The following MYOM2 variants were observed in gnomAD, a reference collection of about 807,000 sequenced individuals.
MYOM2 encodes the protein myomesin 2.
A neutral mutation model predicts 187.6 loss-of-function variants in MYOM2; 254 were observed. That is an observed-to-expected ratio of 1.35 (90% confidence interval 1.22 to 1.50). The LOEUF is 1.50. Among genes scored for constraint, MYOM2 ranks in the 40% most tolerant of loss-of-function variants. The probability of loss-of-function intolerance (pLI) is 0.00; values close to 1 mark genes in which losing one functional copy is unlikely to be tolerated. For synonymous variants in MYOM2, 981 were observed against 753.8 expected, an observed-to-expected ratio of 1.30 and a Z score of -4.94; for missense variants, 2,796 against 1,924.0, an observed-to-expected ratio of 1.45 and a Z score of -8.48.
rs767900587 is a variant in MYOM2 at position 2,123,250 on chromosome 8, A to G, written c.3454-2A>G. 5 of 1,601,722 alleles carry G rather than the reference A, an allele frequency of 3.1e-6. No individual in the cohort carries two copies. Among genetic ancestry groups the G allele is most frequent in the Non-Finnish European group, 4.3e-6 (5 of 1,171,540 alleles). ...ACTAAACTTAAGCTTTCTACCTCACAGGTTGCAAACACCAAGAAAGAAACC... is the reference window on the plus strand; with the variant it reads ...ACTAAACTTAAGCTTTCTACCTCACGGGTTGCAAACACCAAGAAAGAAACC... On this transcript the variant is annotated splice_acceptor_variant, in intron 28 of 36. Transcript: ENST00000262113. LOFTEE classifies it high-confidence loss of function.
At chr8:2,047,395 C>T (rs1027629669) in intron 1 of MYOM2, among the ~76,000 whole-genome samples, 15 of 151,866 alleles carry the variant, frequency 9.9e-5, no homozygotes, top group Non-Finnish European at 1.5e-4. Flanking sequence ...TGAGGCTGGA[C>T]GTGCAGTCCT....
intron 17 of MYOM2, among the ~76,000 whole-genome samples, chr8:2,095,278 A>T (rs1585895569): frequency 6.6e-6 from 1 of 151,288 alleles, no homozygotes; most frequent in South Asian, 2.1e-4. Context: ...ATTCCTACTA[A>T]AGGAAAACCA....
rs201434032 is a variant in MYOM2, at chr8:2,069,375, C to A, written c.742+9C>A. 1 of 1,613,898 alleles carries A rather than the reference C, an allele frequency of 6.2e-7. No individual in the cohort carries two copies. The highest frequency in any genetic ancestry group is 1.1e-5 in the South Asian group (1 of 91,078). ...GGCGGTGGTGGTGAGAAGTGAGTGC[C>A]GGGTGGGCTTTCACGGGGCACCTCC... On this transcript the variant is annotated intron_variant, in intron 7 of 36. Transcript: ENST00000262113.
chr8:2,138,425 A>G (rs3779820), intron 32 of MYOM2, among the ~76,000 whole-genome samples: 15,543 of 152,196 alleles, frequency 0.1, 1,260 homozygotes, highest in African/African-American at 0.2. Flanking sequence ...TCAGCAACGT[A>G]TAGAATTCCA....
chr8:2,078,803 C>T lies in MYOM2; in HGVS notation c.1332C>T (p.Val444=), dbSNP rs759439118. ...CGGTGAAAATCTGCAAATACCCGGT[C>T]ACAGGGCTTTTTGAAGGAAGGTCTT... ...DAPVKICKYP[V]TGLFEGRSYI... Residue 444 remains valine (V), a synonymous_variant, in exon 12 of 37, where the codon GTC becomes GTT. Coordinates refer to ENST00000262113, the MANE Select transcript of MYOM2 (RefSeq NM_003970.4). The T allele has an allele frequency of 6.2e-5, 100 of 1,614,018 alleles. No individual in the cohort carries two copies. Among genetic ancestry groups the T allele is most frequent in the Non-Finnish European group, 8.4e-5 (99 of 1,180,036 alleles).
intron 10 of MYOM2, 60 bp from the exon 11 acceptor site, chr8:2,076,081 C>G: frequency 6.5e-7 from 1 of 1,536,810 alleles, no homozygotes; most frequent in Non-Finnish European, 8.8e-7. Context: ...TGTAAACAGG[C>G]TTTGCAGTGA....
At chr8:2,079,372 C>G (rs956333367) in intron 12 of MYOM2, among the ~76,000 whole-genome samples, 188 bp from the exon 13 acceptor site, 4 of 151,988 alleles carry the variant, frequency 2.6e-5, no homozygotes, top group African/African-American at 9.7e-5. Context: ...CCTTTGCATC[C>G]ACCACCAAGA....
At chr8:2,092,627 G>A (rs2235124) in intron 16 of MYOM2, 107 bp downstream of exon 16, 182,512 of 1,206,048 alleles carry the variant, frequency 0.15, 14,222 homozygotes, top group East Asian at 0.2. Context: ...AGGCTTCTGC[G>A]TAAATGAGTC....
chr8:2,138,196 C>T (rs562121458), intron 32 of MYOM2, among the ~76,000 whole-genome samples: 1 of 152,182 alleles, frequency 6.6e-6, no homozygotes, highest in Non-Finnish European at 1.5e-5. Flanking sequence ...TCTGGCAAGT[C>T]CGTGTTGCCT....
At chr8:2,115,517 G>A (rs986667880) in intron 25 of MYOM2, among the ~76,000 whole-genome samples, 1 of 152,216 alleles carries the variant, frequency 6.6e-6, no homozygotes, top group Non-Finnish European at 1.5e-5. Context: ...AGCAGGCTGG[G>A]GCTTGTGGGT....
intron 25 of MYOM2, among the ~76,000 whole-genome samples, chr8:2,115,178 A>AC (rs1459980957): frequency 3.9e-5 from 6 of 151,994 alleles, no homozygotes; most frequent in African/African-American, 1.4e-4. Flanking sequence ...AAAAAAACAA[A>AC]AAACAAACAA....
intron 25 of MYOM2, among the ~76,000 whole-genome samples, chr8:2,112,970 A>G (rs1263617331): frequency 6.6e-6 from 1 of 152,182 alleles, no homozygotes; most frequent in Non-Finnish European, 1.5e-5. Context: ...TGTTTTGCTC[A>G]TGTGGCCCCA....
chr8:2,137,535 G>A (rs554730811), intron 32 of MYOM2, among the ~76,000 whole-genome samples: 1 of 151,352 alleles, frequency 6.6e-6, no homozygotes, highest in Non-Finnish European at 1.5e-5. Flanking sequence ...TGTGCAGGAA[G>A]CACACATAGC....
chr8:2,087,303 G>A (rs1342684410), intron 14 of MYOM2, among the ~76,000 whole-genome samples: 2 of 152,150 alleles, frequency 1.3e-5, no homozygotes, highest in African/African-American at 4.8e-5. Context: ...ATCGCATCTA[G>A]CACCACTCAA....
intron 3 of MYOM2, among the ~76,000 whole-genome samples, chr8:2,054,592 T>C (rs1818595309): frequency 6.6e-6 from 1 of 152,204 alleles, no homozygotes; most frequent in Non-Finnish European, 1.5e-5. Flanking sequence ...TTAGTTATTC[T>C]GAATCATGGA....
chr8:2,140,089 T>G (rs1192971684), intron 32 of MYOM2, among the ~76,000 whole-genome samples: 1 of 151,976 alleles, frequency 6.6e-6, no homozygotes. Context: ...CCCCAGCCCC[T>G]GGTACCCACA....
At chr8:2,131,906 A>G (rs138749401) in intron 32 of MYOM2, among the ~76,000 whole-genome samples, 21,138 of 151,952 alleles carry the variant, frequency 0.14, 2,581 homozygotes, top group African/African-American at 0.31. Flanking sequence ...GCCTCCCAAA[A>G]TGCTGGGATT....
In MYOM2 at chr8:2,123,138, T is replaced by C; in HGVS notation, c.3454-114T>C. ...AGCCTTCGTCTGAGACTGTCTATAG[T>C]AAAAACTAAGGTTTTTTGAGGGGGG... On this transcript the variant is annotated intron_variant, in intron 28 of 36. Coordinates refer to ENST00000262113, the MANE Select transcript of MYOM2 (RefSeq NM_003970.4). 7 of 660,560 alleles carry C rather than the reference T, an allele frequency of 1.1e-5. No homozygotes were observed. The South Asian group carries it at 1.6e-4, about 15-fold the overall frequency. The allele number at this position is 660,560 out of a possible 1,614,324, so 40.9% of individuals were successfully genotyped here.
chr8:2,101,334 C>T (rs947577743), intron 20 of MYOM2, among the ~76,000 whole-genome samples: 2 of 152,218 alleles, frequency 1.3e-5, no homozygotes, highest in African/African-American at 4.8e-5. Context: ...GCCTGGTTGA[C>T]AGAGCGAGAC....
Sources: allele counts gnomAD v4.1 joint callset (sites outside exome capture counted in the v4.1 genomes callset), GRCh38; gene constraint gnomAD v4.1.1; transcripts MANE v1.5; gene names NCBI Gene and HGNC (gene_info 2026-07-23, HGNC 2026-07-21).